The following OSBPL10 variants were observed in gnomAD, a reference collection of about 807,000 sequenced individuals.
The protein encoded by OSBPL10 is oxysterol binding protein like 10, also known as oxysterol-binding protein-related protein 10.
Under a neutral mutation model 81.7 loss-of-function variants are expected in OSBPL10, and 49 were observed. The ratio of observed to expected loss-of-function variants is 0.60; its 90% CI spans 0.48 to 0.76. The LOEUF is 0.76. Ranked by LOEUF, OSBPL10 falls within the 30% of genes least tolerant of loss-of-function variation. The probability of loss-of-function intolerance (pLI) is 0.00; values close to 1 mark genes in which losing one functional copy is unlikely to be tolerated. For synonymous variants in OSBPL10, 419 were observed against 383.6 expected (o/e 1.09, Z -1.08); for missense variants, 923 against 987.8 (o/e 0.93, Z 0.88).
chr3:31,754,160 T>C (rs1000246413), intron 4 of OSBPL10, among the ~76,000 whole-genome samples: 5 of 152,108 alleles, frequency 3.3e-5, no homozygotes, highest in Admixed American at 6.5e-5. Flanking sequence ...CCTAAAATGA[T>C]AGCCCTCCAA....
At chr3:31,854,704 T>G (rs1176683194) in intron 3 of OSBPL10, among the ~76,000 whole-genome samples, 1 of 152,186 alleles carries the variant, frequency 6.6e-6, no homozygotes, top group Non-Finnish European at 1.5e-5. Flanking sequence ...TTTACCCCAT[T>G]TGTTTTATCA....
intron 2 of OSBPL10, chr3:32,037,609 G>T: frequency 4.4e-6 from 1 of 225,958 alleles, no homozygotes. Flanking sequence ...TCTATAGGAT[G>T]CCATGGCATT....
At chr3:31,859,382 T>C (rs1701007473) in intron 3 of OSBPL10, among the ~76,000 whole-genome samples, 1 of 152,368 alleles carries the variant, frequency 6.6e-6, no homozygotes, top group South Asian at 2.1e-4. Flanking sequence ...CCTTCCCTTA[T>C]ACCTCACCCT....
At chr3:31,811,535 G>A (rs1449379053) in intron 4 of OSBPL10, among the ~76,000 whole-genome samples, 1 of 152,172 alleles carries the variant, frequency 6.6e-6, no homozygotes, top group African/African-American at 2.4e-5. Flanking sequence ...GTATGTGATG[G>A]TGCATCCATA....
At chr3:31,761,887 T>G (rs1698057828) in intron 4 of OSBPL10, among the ~76,000 whole-genome samples, 1 of 148,814 alleles carries the variant, frequency 6.7e-6, no homozygotes, top group Admixed American at 6.7e-5. Flanking sequence ...GCCTTGTAAA[T>G]GTCTGGCCAT....
chr3:31,921,433 G>T (rs1219077942), intron 1 of OSBPL10, among the ~76,000 whole-genome samples: 2 of 152,160 alleles, frequency 1.3e-5, no homozygotes. Context: ...GTACCAGGAA[G>T]TAAGGAAGTG....
At chr3:31,863,029 C>T (rs1701095613) in intron 3 of OSBPL10, among the ~76,000 whole-genome samples, 1 of 151,972 alleles carries the variant, frequency 6.6e-6, no homozygotes, top group South Asian at 2.1e-4. Context: ...ATGCATCAAG[C>T]GATGAAGGGA....
At chr3:32,058,557 C>A (rs550171158) in intron 1 of OSBPL10, among the ~76,000 whole-genome samples, 38 of 152,298 alleles carry the variant, frequency 2.5e-4, no homozygotes, top group Non-Finnish European at 1.2e-4. Flanking sequence ...GAACTCCTGA[C>A]CTCAAGTGAT....
At chr3:31,830,617 T>A (rs1012165767) in intron 3 of OSBPL10, among the ~76,000 whole-genome samples, 1 of 152,152 alleles carries the variant, frequency 6.6e-6, no homozygotes, top group Admixed American at 6.6e-5. Context: ...ACCTTCAAAC[T>A]CAGCATGGTG....
At chr3:31,989,361 T>G in intron 2 of OSBPL10, 1 of 1,614,152 alleles carries the variant, frequency 6.2e-7, no homozygotes, top group Non-Finnish European at 8.5e-7. Flanking sequence ...GACATGAAAG[T>G]CATCACATTG....
chr3:31,727,824 T>C (rs1696855207), intron 6 of OSBPL10, among the ~76,000 whole-genome samples: 1 of 152,280 alleles, frequency 6.6e-6, no homozygotes, highest in African/African-American at 2.4e-5. Flanking sequence ...TTATGTATCA[T>C]GGGGATGAAA....
At chr3:31,973,493 C>T (rs960483076) in intron 1 of OSBPL10, among the ~76,000 whole-genome samples, 2 of 152,142 alleles carry the variant, frequency 1.3e-5, no homozygotes, top group African/African-American at 2.4e-5. Flanking sequence ...CACAACACTG[C>T]GAGGTTCATA....
At chr3:32,000,605 G>C (rs1285923690) in intron 2 of OSBPL10, among the ~76,000 whole-genome samples, 2 of 152,202 alleles carry the variant, frequency 1.3e-5, no homozygotes, top group Non-Finnish European at 2.9e-5. Context: ...AAATTGCGGG[G>C]CTGTTCTCAG....
chr3:31,741,694 G>T (rs1003480175), intron 5 of OSBPL10, among the ~76,000 whole-genome samples: 2 of 152,132 alleles, frequency 1.3e-5, no homozygotes, highest in African/African-American at 4.8e-5. Flanking sequence ...ATATCCTATT[G>T]ATATCCTATT....
chr3:31,904,837 G>A (rs940731299), intron 1 of OSBPL10, among the ~76,000 whole-genome samples: 2 of 152,308 alleles, frequency 1.3e-5, no homozygotes, highest in South Asian at 2.1e-4. Context: ...TTTGGCCAGC[G>A]AGTTCAAATC....
chr3:31,755,853 C>T (rs1236843315), intron 4 of OSBPL10, among the ~76,000 whole-genome samples: 1 of 152,200 alleles, frequency 6.6e-6, no homozygotes, highest in East Asian at 1.9e-4. Flanking sequence ...TCAAAAGACA[C>T]TTTCTGAAGA....
chr3:31,796,645 G>A (rs1444313687), intron 4 of OSBPL10, among the ~76,000 whole-genome samples: 9 of 152,176 alleles, frequency 5.9e-5, no homozygotes, highest in Non-Finnish European at 1.2e-4. Flanking sequence ...GGTCCTGTGT[G>A]TTTCAGGCTA....
chr3:31,951,180 C>T (rs1325792112), intron 1 of OSBPL10, among the ~76,000 whole-genome samples: 1 of 151,512 alleles, frequency 6.6e-6, no homozygotes, highest in Non-Finnish European at 1.5e-5. Context: ...AAATTTGTGA[C>T]ATAGTCACAC....
At chr3:31,686,108 C>T (rs916871101) in intron 7 of OSBPL10, among the ~76,000 whole-genome samples, 1 of 152,170 alleles carries the variant, frequency 6.6e-6, no homozygotes, top group Non-Finnish European at 1.5e-5. Context: ...TGCACACACA[C>T]CCGCTCCCTT....
Sources: allele counts gnomAD v4.1 joint callset (sites outside exome capture counted in the v4.1 genomes callset), GRCh38; gene constraint gnomAD v4.1.1; transcripts MANE v1.5; gene names NCBI Gene and HGNC (gene_info 2026-07-23, HGNC 2026-07-21).